The following PKIB variants were observed in gnomAD, a reference collection of about 807,000 sequenced individuals.
The protein encoded by PKIB is cAMP-dependent protein kinase inhibitor beta.
A neutral mutation model predicts 4.5 loss-of-function variants in PKIB; 2 were observed. The ratio of observed to expected loss-of-function variants is 0.44; its 90% CI spans 0.18 to 1.39. The LOEUF is 1.39. Ranked by LOEUF, PKIB falls within the 40% of genes most tolerant of loss-of-function variation. The probability of loss-of-function intolerance (pLI) is 0.27; values close to 1 mark genes in which losing one functional copy is unlikely to be tolerated. For missense variants in PKIB, 94 were observed against 92.6 expected, an observed-to-expected ratio of 1.02 and a Z score of -0.06; for synonymous variants, 38 against 36.0, an observed-to-expected ratio of 1.06 and a Z score of -0.20.
At chr6:122,504,986 C>T (rs1776353140) in intron 2 of PKIB, among the ~76,000 whole-genome samples, 1 of 152,126 alleles carries the variant, frequency 6.6e-6, no homozygotes, top group Admixed American at 6.5e-5. Flanking sequence ...ACGCCCCGAG[C>T]TCTGGTTTCT....
At chr6:122,644,904 T>C (rs566998889) in intron 2 of PKIB, 2 of 152,354 alleles carry the variant, frequency 1.3e-5, no homozygotes, top group South Asian at 4.1e-4. Context: ...TATTCATATA[T>C]CTTAGAGTTG....
chr6:122,723,809 A>G (rs907314657), intron 4 of PKIB, among the ~76,000 whole-genome samples: 3 of 152,170 alleles, frequency 2.0e-5, no homozygotes, highest in African/African-American at 4.8e-5. Context: ...TCAGGCCACA[A>G]GACTTCTTGA....
At chr6:122,602,311 G>T (rs1317783650) in intron 3 of PKIB, among the ~76,000 whole-genome samples, 1 of 152,182 alleles carries the variant, frequency 6.6e-6, no homozygotes, top group African/African-American at 2.4e-5. Flanking sequence ...AGAAGCTCAA[G>T]TGGTTGGGAA....
chr6:122,696,468 C>T (rs1778575887), intron 3 of PKIB, among the ~76,000 whole-genome samples: 1 of 152,164 alleles, frequency 6.6e-6, no homozygotes, highest in African/African-American at 2.4e-5. Flanking sequence ...AGAGGACTAT[C>T]CCTCACTTCC....
At position 122,564,384 on chromosome 6, in the gene PKIB, TC is replaced by T. The variant is rs1386752838; in HGVS notation, c.-247-21536del. On this transcript the variant is annotated intron_variant, in intron 2 of 6. Transcript: ENST00000392491. ...GATGATCCTAGAATTCCATCTCCTC[TC>T]TAAAAAGTACAAAGCACACACATTT... Among the ~76,000 whole-genome samples the T allele has an allele frequency of 3.3e-5, 5 of 152,254 alleles. No individual in the cohort carries two copies. In the East Asian group the frequency reaches 9.7e-4, roughly 29 times the overall value.
At chr6:122,666,982 G>T (rs1777245058) in intron 2 of PKIB, among the ~76,000 whole-genome samples, 1 of 151,882 alleles carries the variant, frequency 6.6e-6, no homozygotes, top group African/African-American at 2.4e-5. Flanking sequence ...AAAGGATTCA[G>T]TGAGAGAATG....
intron 3 of PKIB, among the ~76,000 whole-genome samples, chr6:122,706,418 G>A (rs751526629): frequency 6.6e-6 from 1 of 152,096 alleles, no homozygotes; most frequent in Non-Finnish European, 1.5e-5. Flanking sequence ...CTATCACAAT[G>A]CTTAGTCTTA....
chr6:122,662,233 G>A (rs1229778726), intron 2 of PKIB, among the ~76,000 whole-genome samples: 2 of 141,424 alleles, frequency 1.4e-5, no homozygotes, highest in Non-Finnish European at 3.0e-5. Context: ...TGTCACTTGT[G>A]CTTTGGTGTC....
intron 3 of PKIB, among the ~76,000 whole-genome samples, chr6:122,597,098 C>T (rs904427671): frequency 2.8e-4 from 42 of 152,158 alleles, no homozygotes; most frequent in Non-Finnish European, 7.3e-5. Flanking sequence ...GGTAGAAAGT[C>T]CCTGAATTTT....
chr6:122,516,486 G>C (rs1348805510), intron 2 of PKIB, among the ~76,000 whole-genome samples: 4 of 152,140 alleles, frequency 2.6e-5, no homozygotes, highest in Non-Finnish European at 5.9e-5. Flanking sequence ...GTTGCCTACT[G>C]TTAAGATGAC....
chr6:122,574,012 C>T (rs1773453370), intron 2 of PKIB, among the ~76,000 whole-genome samples: 2 of 152,236 alleles, frequency 1.3e-5, no homozygotes, highest in African/African-American at 4.8e-5. Flanking sequence ...TGATCATATA[C>T]CTAGAAAACC....
chr6:122,720,820 GCCT>G (rs1307565829), intron 4 of PKIB, among the ~76,000 whole-genome samples: 1 of 151,774 alleles, frequency 6.6e-6, no homozygotes, highest in Non-Finnish European at 1.5e-5. Context: ...TCCTGTCTCA[GCCT>G]CCTGAGTAGC....
In PKIB at chr6:122,512,036, T is replaced by C. The variant is rs966710821; in HGVS notation, c.-248+34097T>C. On this transcript the variant is annotated intron_variant, in intron 2 of 6. Transcript: ENST00000392491. ...GCCTCTTGTGGCTTTCCACAACTTA[T>C]TGTCCCATATTTTTAGGGCAAGTTT... 1.9e-4 allele frequency among the ~76,000 whole-genome samples: 29 copies of C among 152,280 alleles called. 1 individual carries two copies. Among genetic ancestry groups the C allele is most frequent in the African/African-American group, 5.5e-4 (23 of 41,566 alleles).
At chr6:122,529,968 G>A (rs561417393) in intron 2 of PKIB, among the ~76,000 whole-genome samples, 13 of 151,938 alleles carry the variant, frequency 8.6e-5, no homozygotes, top group Non-Finnish European at 1.2e-4. Flanking sequence ...CCACATGTCC[G>A]TTTCTTTCTT....
At chr6:122,520,161 G>A (rs990592106) in intron 2 of PKIB, among the ~76,000 whole-genome samples, 1 of 151,972 alleles carries the variant, frequency 6.6e-6, no homozygotes, top group Non-Finnish European at 1.5e-5. Context: ...CCACATTACT[G>A]TACTTGCTAT....
intron 3 of PKIB, among the ~76,000 whole-genome samples, chr6:122,716,165 A>G (rs1190141517): frequency 7.2e-5 from 11 of 152,218 alleles, no homozygotes; most frequent in Non-Finnish European, 1.2e-4. Flanking sequence ...GATATGAACA[A>G]TGATGCCAAC....
At chr6:122,704,352 G>A (rs1446698717) in intron 3 of PKIB, among the ~76,000 whole-genome samples, 1 of 151,950 alleles carries the variant, frequency 6.6e-6, no homozygotes, top group Non-Finnish European at 1.5e-5. Flanking sequence ...TGAGCACTTT[G>A]TAGCCCAGTC....
At chr6:122,571,448 T>C (rs183333057) in intron 2 of PKIB, among the ~76,000 whole-genome samples, 296 of 152,306 alleles carry the variant, frequency 1.9e-3, no homozygotes, top group Admixed American at 7.1e-3. Flanking sequence ...CACGTAGTCA[T>C]TAAGCTATCT....
chr6:122,708,608 A>G (rs900437574), intron 3 of PKIB, among the ~76,000 whole-genome samples: 15 of 152,134 alleles, frequency 9.9e-5, no homozygotes, highest in East Asian at 1.9e-4. Context: ...TTTTTAAACA[A>G]TATCAACTTT....
Sources: gnomAD v4.1 joint callset for allele counts (sites outside exome capture counted in the v4.1 genomes callset) on GRCh38, gnomAD v4.1.1 for gene constraint, MANE v1.5 for transcripts, NCBI Gene and HGNC (gene_info 2026-07-23, HGNC 2026-07-21) for gene names.